Variants in SASH1 observed in about 807,000 individuals in gnomAD.
SASH1 encodes SAM and SH3 domain-containing protein 1.
SASH1 carries 44 observed loss-of-function variants against 125.2 expected under a neutral mutation model. That is an observed-to-expected ratio of 0.35 (90% CI 0.28 to 0.45). The LOEUF (loss-of-function observed/expected upper bound fraction) is 0.45, where lower values mean the gene tolerates loss of function less well. Among genes scored for constraint, SASH1 ranks in the 20% least tolerant of loss-of-function variants. SASH1 has a pLI of 1.00. For missense variants in SASH1, 1,426 were observed against 1,614.5 expected (o/e 0.88, Z 2.00); for synonymous variants, 639 against 649.1 (o/e 0.98, Z 0.24).
At chr6:148,297,495 TA>T (rs1779795364) in intron 1 of SASH1, among the ~76,000 whole-genome samples, 1 of 152,236 alleles carries the variant, frequency 6.6e-6, no homozygotes, top group Admixed American at 6.5e-5. Flanking sequence ...GAATATTTTT[TA>T]ACATACATCC....
At chr6:148,461,146 A>G (rs75793168) in intron 4 of SASH1, among the ~76,000 whole-genome samples, 3,435 of 152,282 alleles carry the variant, frequency 0.023, 70 homozygotes, top group East Asian at 0.033. Context: ...TGTTTTTATC[A>G]TCACAACTGC....
chr6:148,387,660 CTTTCTTTCTTTCTTTCTTTCT>C (rs1562371616), intron 1 of SASH1, among the ~76,000 whole-genome samples: 15 of 55,856 alleles, frequency 2.7e-4, no homozygotes, highest in African/African-American at 1.4e-3. Context: ...TTCTTTCTTT[CTTTCTTTCTTTCTTTCTTTCT>C]TTCTTTCTTT....
upstream of SASH1, among the ~76,000 whole-genome samples, chr6:148,338,938 G>GA (rs111409568): frequency 2.0e-4 from 30 of 148,574 alleles, no homozygotes; most frequent in African/African-American, 6.7e-4. Flanking sequence ...CCAGGAGGGG[G>GA]AGATTGCAGT....
rs58070477 is a variant in SASH1, at chr6:148,290,885, T to TAAA, written n.74+18519_74+18521dup. The stretch of plus-strand genomic sequence containing the variant: ...TGATCAATAAATACTAAAAAAAAGT[T>TAAA]AAAAAAAAAAAAAGAAAGAGAAAAA... On this transcript the variant is annotated intron_variant and non_coding_transcript_variant, in intron 1 of 3. Transcript: ENST00000367469. 7.5e-3 allele frequency among the ~76,000 whole-genome samples: 1,043 copies of TAAA among 138,728 alleles called. 93 individuals carry two copies. In the East Asian group the frequency reaches 0.18, roughly 24 times the overall value. 91.0% of individuals were successfully genotyped at this position (138,728 alleles called of 152,430 possible).
At chr6:148,265,363 C>G in the SASH1 span, among the ~76,000 whole-genome samples, 3 of 126,908 alleles carry the variant, frequency 2.4e-5, no homozygotes, top group African/African-American at 6.0e-5. Flanking sequence ...GAAGGAGGGA[C>G]GGAGGGAGGG....
At position 148,358,060 on chromosome 6, in the gene SASH1, C is replaced by CA. The variant is rs34729070; in HGVS notation, c.156+14862dup. On this transcript the variant is annotated intron_variant, in intron 1 of 19. Transcript: ENST00000367467. ...GGGCAACAAGAGCAAAACTCCGTCTCAAAAAAAAAAAAAAAAAAAAAAAAA... is the reference window on the plus strand; with the variant it reads ...GGGCAACAAGAGCAAAACTCCGTCTCAAAAAAAAAAAAAAAAAAAAAAAAAA... 8.6e-3 allele frequency among the ~76,000 whole-genome samples: 562 copies of CA among 65,374 alleles called. 6 individuals carry two copies. Among genetic ancestry groups the CA allele is most frequent in the Non-Finnish European group, 0.01 (370 of 36,116 alleles). 42.9% of individuals were successfully genotyped at this position (65,374 alleles called of 152,430 possible).
rs1554235322 is a variant in SASH1, at chr6:148,326,345, T to TATATGC, written n.74+53972_74+53973insGCATAT. On this transcript the variant is annotated intron_variant and non_coding_transcript_variant, in intron 1 of 3. Transcript: ENST00000367469. ...ATGCATATATATATATATATATATA[T>TATATGC]ATATATATATATGCATATATATATA... 6.7e-5 allele frequency among the ~76,000 whole-genome samples: 6 copies of TATATGC among 89,046 alleles called. 1 individual carries two copies. Among genetic ancestry groups the TATATGC allele is most frequent in the African/African-American group, 2.2e-4 (5 of 22,752 alleles). 58.4% of individuals were successfully genotyped at this position (89,046 alleles called of 152,430 possible). A position where few individuals can be genotyped will look rare whatever the true frequency, so the allele number is the denominator to read the frequency against.
At chr6:148,500,606 C>A (rs886232084) in intron 8 of SASH1, among the ~76,000 whole-genome samples, 3 of 152,196 alleles carry the variant, frequency 2.0e-5, no homozygotes, top group Non-Finnish European at 4.4e-5. Flanking sequence ...TTTGGAGTCA[C>A]ATGAAAGGAT....
chr6:148,326,896 T>A (rs1780845266), intron 1 of SASH1, among the ~76,000 whole-genome samples: 1 of 152,182 alleles, frequency 6.6e-6, no homozygotes, highest in East Asian at 1.9e-4. Flanking sequence ...TACTGCTTCC[T>A]ACCTCCACCG....
chr6:148,504,021 T>C (rs1779667088), intron 8 of SASH1, among the ~76,000 whole-genome samples: 1 of 152,252 alleles, frequency 6.6e-6, no homozygotes, highest in Admixed American at 6.5e-5. Context: ...TCATGTACAT[T>C]GTCTGCATGA....
the SASH1 span, among the ~76,000 whole-genome samples, chr6:148,219,913 A>G: frequency 6.6e-6 from 1 of 152,164 alleles, no homozygotes; most frequent in Non-Finnish European, 1.5e-5. Context: ...CATGGTATTG[A>G]GGAAGCCAAA....
At chr6:148,375,401 G>A (rs1347557438) in intron 1 of SASH1, among the ~76,000 whole-genome samples, 2 of 147,922 alleles carry the variant, frequency 1.4e-5, no homozygotes, top group Non-Finnish European at 3.0e-5. Flanking sequence ...TTTTTTTTGT[G>A]GTGACAAGAA....
chr6:148,319,019 C>CTTTTTT (rs1780562391), intron 1 of SASH1, among the ~76,000 whole-genome samples: 1 of 80,510 alleles, frequency 1.2e-5, no homozygotes, highest in African/African-American at 4.7e-5. Flanking sequence ...CCGCATTTAT[C>CTTTTTT]TTCTTTTTTT....
At chr6:148,491,174 AC>A (rs1439212837) in intron 8 of SASH1, among the ~76,000 whole-genome samples, 2 of 152,136 alleles carry the variant, frequency 1.3e-5, no homozygotes, top group African/African-American at 4.8e-5. Flanking sequence ...GGAAATAGTG[AC>A]CCCCTTGGGC....
chr6:148,537,888 A>C (rs1156416144), intron 16 of SASH1, among the ~76,000 whole-genome samples: 1 of 150,450 alleles, frequency 6.6e-6, no homozygotes, highest in African/African-American at 2.5e-5. Context: ...CTTCAGGTCA[A>C]AGTTCAGGTC....
At chr6:148,373,532 C>A (rs1212805493) in intron 1 of SASH1, among the ~76,000 whole-genome samples, 1 of 152,130 alleles carries the variant, frequency 6.6e-6, no homozygotes, top group Non-Finnish European at 1.5e-5. Flanking sequence ...CTGAAAGAAA[C>A]AGGAGCCCGA....
intron 2 of SASH1, among the ~76,000 whole-genome samples, chr6:148,429,228 TAAAG>T (rs1775953758): frequency 6.6e-6 from 1 of 150,966 alleles, no homozygotes; most frequent in Admixed American, 6.6e-5. Context: ...AAACACAAAT[TAAAG>T]GAAGGAAGCT....
chr6:148,236,363 AC>A, the SASH1 span, among the ~76,000 whole-genome samples: 1 of 151,958 alleles, frequency 6.6e-6, no homozygotes, highest in Non-Finnish European at 1.5e-5. Context: ...ACAGGCACCC[AC>A]ATCATGCCTG....
chr6:148,387,565 T>C (rs1238102752), intron 1 of SASH1, among the ~76,000 whole-genome samples: 4 of 141,098 alleles, frequency 2.8e-5, no homozygotes, highest in African/African-American at 7.7e-5. Flanking sequence ...TTCTTTCTTT[T>C]CTCTTTCTTT....
Sources: allele counts gnomAD v4.1 joint callset (sites outside exome capture counted in the v4.1 genomes callset), GRCh38; gene constraint gnomAD v4.1.1; transcripts MANE v1.5; gene names NCBI Gene and HGNC (gene_info 2026-07-23, HGNC 2026-07-21).